The following SAMSN1 variants were observed in gnomAD, a reference collection of about 807,000 sequenced individuals.
SAMSN1 encodes the protein SAM domain, SH3 domain and nuclear localization signals 1, also known as SAM domain-containing protein SAMSN-1.
SAMSN1 carries 31 observed loss-of-function variants against 42.0 expected under a neutral mutation model. The ratio of observed to expected loss-of-function variants is 0.74; its 90% CI spans 0.55 to 1.00. The LOEUF is 1.00. Ranked by LOEUF, SAMSN1 falls within the 50% of genes least tolerant of loss-of-function variation. The pLI, the probability that SAMSN1 is intolerant of heterozygous loss-of-function variation, is 0.00. For synonymous variants in SAMSN1, 178 were observed against 151.9 expected (o/e 1.17, Z -1.26); for missense variants, 464 against 439.4 (o/e 1.06, Z -0.50).
At chr21:14,654,771 C>T (rs1261438884) in intron 1 of SAMSN1, among the ~76,000 whole-genome samples, 1 of 151,728 alleles carries the variant, frequency 6.6e-6, no homozygotes, top group African/African-American at 2.4e-5. Flanking sequence ...CCAATGTAAG[C>T]CCTGGTTTTT....
chr21:14,589,951 AT>A (rs1982029715), intron 7 of SAMSN1, among the ~76,000 whole-genome samples: 1 of 152,112 alleles, frequency 6.6e-6, no homozygotes, highest in East Asian at 1.9e-4. Context: ...AAAAATTAAT[AT>A]TTTGGTTTAT....
rs1600931224 is a variant in SAMSN1, at chr21:14,561,766, G to A, written c.261+20370C>T. Among the ~76,000 whole-genome samples the A allele has an allele frequency of 5.3e-5, 8 of 152,352 alleles. No homozygotes were observed. In the South Asian group the frequency reaches 1.7e-3, roughly 32 times the overall value. On this transcript the variant is annotated intron_variant, in intron 2 of 8. Coordinates refer to the SAMSN1 transcript ENST00000285670. ...TCCAATAAAACCAGTGTCCTTGAAA[G>A]AAGAGGGAAACTTGGACACCCACAT...
At chr21:14,576,715 C>T (rs1284635846) in intron 2 of SAMSN1, among the ~76,000 whole-genome samples, 1 of 152,180 alleles carries the variant, frequency 6.6e-6, no homozygotes, top group Non-Finnish European at 1.5e-5. Flanking sequence ...AAAAAAGTCT[C>T]ATACTTGCCT....
At chr21:14,563,755 T>C (rs940841357) in intron 2 of SAMSN1, among the ~76,000 whole-genome samples, 1 of 152,180 alleles carries the variant, frequency 6.6e-6, no homozygotes, top group African/African-American at 2.4e-5. Flanking sequence ...AATTTCACAA[T>C]AGTTTCTTAC....
intron 2 of SAMSN1, among the ~76,000 whole-genome samples, chr21:14,630,978 T>C (rs757135445): frequency 1.3e-5 from 2 of 152,220 alleles, no homozygotes; most frequent in Admixed American, 6.5e-5. Context: ...GACTTCTCCA[T>C]TACTCACCTA....
At chr21:14,547,224 A>T (rs148826286), upstream of SAMSN1, among the ~76,000 whole-genome samples, 78 of 152,284 alleles carry the variant, frequency 5.1e-4, no homozygotes, top group African/African-American at 1.8e-3. Context: ...TAACAAAGAG[A>T]TCAATTAAAC....
intron 1 of SAMSN1, among the ~76,000 whole-genome samples, chr21:14,651,649 T>C (rs1451832091): frequency 6.6e-6 from 1 of 151,998 alleles, no homozygotes; most frequent in Non-Finnish European, 1.5e-5. Context: ...ACCAGTGTTA[T>C]TCCACATAGT....
intron 5 of SAMSN1, among the ~76,000 whole-genome samples, chr21:14,607,620 C>G (rs1048767527): frequency 6.6e-6 from 1 of 152,182 alleles, no homozygotes; most frequent in African/African-American, 2.4e-5. Context: ...TTCTGTAAAG[C>G]CTTTCTTTCT....
chr21:14,512,444 T>C lies in SAMSN1; in HGVS notation c.409A>G (p.Ser137Gly). ...CTTGTCCCTGATTCATTAGCCTTACTTGATGAGCTCTGTCCACTGTAGAGA... is the reference window on the plus strand; with the variant it reads ...CTTGTCCCTGATTCATTAGCCTTACCTGATGAGCTCTGTCCACTGTAGAGA... ...DSLYSGQSSS[S>G]GITSCSDGTS... is the part of the protein sequence containing the mutation. The change falls in exon 4 of 8, where the codon AGT becomes GGT. Residue 137 changes from serine to glycine, a missense_variant and splice_region_variant. Physicochemically the swap from Ser to Gly is moderately conservative, Grantham distance 56. Transcript: ENST00000400566. 1 of 1,613,692 alleles carries C rather than the reference T, an allele frequency of 6.2e-7. No homozygotes were observed. Among genetic ancestry groups the C allele is most frequent in the Admixed American group, 1.7e-5 (1 of 60,018 alleles).
upstream of SAMSN1, among the ~76,000 whole-genome samples, chr21:14,550,608 T>G (rs1980564214): frequency 6.6e-6 from 1 of 152,108 alleles, no homozygotes; most frequent in Non-Finnish European, 1.5e-5. Flanking sequence ...TGACTTCTCC[T>G]TATAAGACCC....
chr21:14,615,495 A>G (rs900911855), intron 3 of SAMSN1, among the ~76,000 whole-genome samples: 1 of 152,108 alleles, frequency 6.6e-6, no homozygotes, highest in Non-Finnish European at 1.5e-5. Flanking sequence ...CTTCCTGCCC[A>G]TGTGTAATTC....
chr21:14,615,319 A>AG (rs1317642498), intron 3 of SAMSN1, among the ~76,000 whole-genome samples: 5 of 76,616 alleles, frequency 6.5e-5, no homozygotes, highest in Non-Finnish European at 1.3e-4. Context: ...GGAATAAAAA[A>AG]GAAAAAAAAA....
chr21:14,491,371 G>A (rs1172652172), intron 7 of SAMSN1, among the ~76,000 whole-genome samples: 1 of 151,984 alleles, frequency 6.6e-6, no homozygotes, highest in Admixed American at 6.5e-5. Flanking sequence ...GCCTCCCAGA[G>A]TGGTGGGATT....
At chr21:14,502,148 T>C (rs1406098138) in intron 5 of SAMSN1, among the ~76,000 whole-genome samples, 1 of 152,224 alleles carries the variant, frequency 6.6e-6, no homozygotes. Flanking sequence ...AGAATGTGTG[T>C]TCTTCCATCT....
intron 1 of SAMSN1, among the ~76,000 whole-genome samples, chr21:14,541,452 T>A (rs1325379434): frequency 6.6e-6 from 1 of 152,178 alleles, no homozygotes; most frequent in East Asian, 1.9e-4. Flanking sequence ...GCTTTGCATG[T>A]GGCCCCACAC....
chr21:14,637,171 T>C (rs1983489651), intron 2 of SAMSN1, among the ~76,000 whole-genome samples: 1 of 152,220 alleles, frequency 6.6e-6, no homozygotes, highest in Non-Finnish European at 1.5e-5. Flanking sequence ...TTTAATTTAA[T>C]TTAATTTTAA....
intron 1 of SAMSN1, among the ~76,000 whole-genome samples, chr21:14,540,163 A>G (rs1240130749): frequency 1.3e-5 from 2 of 152,256 alleles, no homozygotes; most frequent in Non-Finnish European, 1.5e-5. Flanking sequence ...AAAGACTTAC[A>G]TGTTAGACCT....
intron 1 of SAMSN1, among the ~76,000 whole-genome samples, chr21:14,525,962 T>A (rs1277032703): frequency 1.5e-4 from 23 of 152,128 alleles, no homozygotes; most frequent in Admixed American, 1.5e-3. Context: ...CCTCCTGGAT[T>A]GAAGCGATTC....
intron 5 of SAMSN1, among the ~76,000 whole-genome samples, chr21:14,509,715 T>C (rs1489352923): frequency 6.6e-6 from 1 of 152,092 alleles, no homozygotes; most frequent in Non-Finnish European, 1.5e-5. Flanking sequence ...AGGCTTTTGG[T>C]TTTCAGGAAA....
Sources: allele counts gnomAD v4.1 joint callset (sites outside exome capture counted in the v4.1 genomes callset), GRCh38; gene constraint gnomAD v4.1.1; transcripts MANE v1.5; gene names NCBI Gene and HGNC (gene_info 2026-07-23, HGNC 2026-07-21).